AKR1C3: variants seen among roughly 807,000 people sequenced by gnomAD.
AKR1C3 encodes the protein aldo-keto reductase family 1 member C3.
A neutral mutation model predicts 43.6 loss-of-function variants in AKR1C3; 48 were observed. The observed-to-expected ratio is 1.10, with a 90% confidence interval of 0.87 to 1.40. The LOEUF is 1.40. Ranked by LOEUF, AKR1C3 falls within the 40% of genes most tolerant of loss-of-function variation. The pLI, the probability that AKR1C3 is intolerant of heterozygous loss-of-function variation, is 0.00. For missense variants in AKR1C3, 482 were observed against 391.2 expected, an observed-to-expected ratio of 1.23 and a Z score of -1.96; for synonymous variants, 162 against 139.6, an observed-to-expected ratio of 1.16 and a Z score of -1.13.
At chr10:5,057,782 G>A (rs1287106214) in intron 1 of AKR1C3, among the ~76,000 whole-genome samples, 1 of 152,142 alleles carries the variant, frequency 6.6e-6, no homozygotes, top group Non-Finnish European at 1.5e-5. Context: ...CGGCTGTCAT[G>A]CTATCATTTA....
chr10:5,089,225 G>A (rs782067118), intron 1 of AKR1C3, among the ~76,000 whole-genome samples: 4 of 151,968 alleles, frequency 2.6e-5, no homozygotes, highest in Admixed American at 1.3e-4. Flanking sequence ...ATGCCTTGTC[G>A]ATGTACATTT....
intron 3 of AKR1C3, chr10:5,098,225 C>A (rs1458640299): frequency 8.4e-5 from 81 of 966,656 alleles, no homozygotes; most frequent in Non-Finnish European, 1.0e-4. Context: ...AAAAATGTAT[C>A]ATTTGTCTAT....
At chr10:5,050,477 A>G (rs906013431) in intron 1 of AKR1C3, among the ~76,000 whole-genome samples, 14 of 152,252 alleles carry the variant, frequency 9.2e-5, no homozygotes, top group Admixed American at 4.6e-4. Flanking sequence ...ATGAGGGAAA[A>G]CAGAAGTTAT....
At chr10:5,070,267 C>A (rs1838591127) in intron 1 of AKR1C3, among the ~76,000 whole-genome samples, 1 of 152,168 alleles carries the variant, frequency 6.6e-6, no homozygotes, top group African/African-American at 2.4e-5. Context: ...CTGGCTGGCT[C>A]AGCAAAATAT....
intron 1 of AKR1C3, among the ~76,000 whole-genome samples, chr10:5,095,188 C>A (rs563570094): frequency 6.6e-6 from 1 of 152,140 alleles, no homozygotes; most frequent in East Asian, 1.9e-4. Flanking sequence ...GGTCTTCTGA[C>A]ACAAAAATGA....
At chr10:5,077,653 CCCCTTAGT>C in intron 1 of AKR1C3, 1 of 1,070,486 alleles carries the variant, frequency 9.3e-7, no homozygotes. Flanking sequence ...GCTGAACATT[CCCCTTAGT>C]AAAATGGCAG....
Position 5,096,418 on chromosome 10 carries a change from A to T in AKR1C3, c.93A>T (p.Arg31Ser). The T allele has an allele frequency of 1.2e-6, 2 of 1,613,060 alleles. No homozygotes were observed. Among genetic ancestry groups the T allele is most frequent in the Non-Finnish European group, 8.5e-7 (1 of 1,179,334 alleles). The change falls in exon 2 of 9, where the codon AGA becomes AGT. Residue 31 changes from arginine (R) to serine (S), a missense_variant. Arg to Ser is a moderately radical substitution (Grantham distance 110). Coordinates refer to ENST00000380554, the MANE Select transcript of AKR1C3 (RefSeq NM_003739.6). ...FGTYAPPEVP[R>S]SKALEVTKLA... ...TTTGGTTGCTCCTCCAGGTTCCGAG[A>T]AGTAAAGCTTTGGAGGTCACAAAAT...
chr10:5,051,400 T>G (rs1043264532), intron 1 of AKR1C3, among the ~76,000 whole-genome samples: 2 of 152,220 alleles, frequency 1.3e-5, no homozygotes, highest in African/African-American at 4.8e-5. Flanking sequence ...CCCAGCTGAC[T>G]TTGTGTTTTA....
chr10:5,087,376 C>CTT (rs1564364889), intron 1 of AKR1C3, among the ~76,000 whole-genome samples: 4 of 45,360 alleles, frequency 8.8e-5, no homozygotes, highest in African/African-American at 1.6e-4. Context: ...TTTATCATTT[C>CTT]TTTCTTTTTT....
chr10:5,097,488 CT>C lies in AKR1C3; in HGVS notation c.308del (p.Leu103ArgfsTer20). ...GGTCCGACCAGCCTTGGAAAACTCA[CT>C]GAAGAAAGCTCAATTGGACTATGTT... ...ELVRPALENS[L>X]KKAQLDYVDL... On this transcript the variant is annotated frameshift_variant, in exon 3 of 9. Coordinates refer to ENST00000380554, the MANE Select transcript of AKR1C3 (RefSeq NM_003739.6). LOFTEE classifies it high-confidence loss of function. The C allele has an allele frequency of 1.9e-6, 3 of 1,613,862 alleles. No homozygotes were observed. The highest frequency in any genetic ancestry group is 2.5e-6 in the Non-Finnish European group (3 of 1,179,824).
Position 5,106,961 on chromosome 10 carries a change from G to GCTCGCC in AKR1C3, c.930-500_930-499insCTCGCC, listed in dbSNP as rs1839518176. 2.7e-5 allele frequency among the ~76,000 whole-genome samples: 4 copies of GCTCGCC among 150,160 alleles called. No homozygotes were observed. The Admixed American group carries it at 2.7e-4, about 10-fold the overall frequency. On this transcript the variant is annotated intron_variant, in intron 8 of 8. Transcript: ENST00000380554. Reference sequence around the variant, plus strand: ...AAAAGAAAGGAAGAGTAGCGAGCATGAGTAATTCTTATCATCCATTAAAAA... The same window carrying GCTCGCC: ...AAAAGAAAGGAAGAGTAGCGAGCATGCTCGCCAGTAATTCTTATCATCCATTAAAAA...
At chr10:5,103,929 A>T (rs1474266393) in intron 7 of AKR1C3, among the ~76,000 whole-genome samples, 2 of 152,036 alleles carry the variant, frequency 1.3e-5, no homozygotes, top group Non-Finnish European at 2.9e-5. Context: ...GTTAATATAT[A>T]TGATAGATTG....
At chr10:5,078,576 C>T (rs1838765723) in intron 1 of AKR1C3, among the ~76,000 whole-genome samples, 1 of 152,170 alleles carries the variant, frequency 6.6e-6, no homozygotes, top group Non-Finnish European at 1.5e-5. Context: ...AAATGCAAGG[C>T]AGGTCATCAG....
chr10:5,050,267 T>G (rs1554778814), intron 1 of AKR1C3, among the ~76,000 whole-genome samples: 1 of 152,242 alleles, frequency 6.6e-6, no homozygotes, highest in Non-Finnish European at 1.5e-5. Flanking sequence ...AAAGGCTGCC[T>G]TAGTGGAGTG....
intron 1 of AKR1C3, among the ~76,000 whole-genome samples, chr10:5,088,849 G>C (rs1334390696): frequency 6.6e-6 from 1 of 151,824 alleles, no homozygotes; most frequent in Non-Finnish European, 1.5e-5. Context: ...TCATGGTCTT[G>C]TTAGCCAATT....
At chr10:5,069,873 T>TC (rs1838583645) in intron 1 of AKR1C3, among the ~76,000 whole-genome samples, 1 of 150,174 alleles carries the variant, frequency 6.7e-6, no homozygotes, top group Non-Finnish European at 1.5e-5. Flanking sequence ...AAACTCTGTC[T>TC]CAAAAAAAAA....
In AKR1C3 at chr10:5,099,467, TCTCTC is replaced by T. The variant is rs1839295867; in HGVS notation, c.570+21_570+25del. Reference sequence around the variant, plus strand: ...GCAACCAGGTGAGCTCCCTTGGCCTTCTCTCCTTTCGGTTCTTCATGCCCCCTCTT... The same window carrying T: ...GCAACCAGGTGAGCTCCCTTGGCCTTCTTTCGGTTCTTCATGCCCCCTCTT... On this transcript the variant is annotated intron_variant, in intron 5 of 8. Coordinates refer to ENST00000380554, the MANE Select transcript of AKR1C3 (RefSeq NM_003739.6). The T allele has an allele frequency of 6.2e-7, 1 of 1,614,080 alleles. No homozygotes were observed. The highest frequency in any genetic ancestry group is 8.5e-7 in the Non-Finnish European group (1 of 1,179,970).
chr10:5,055,295 A>G (rs891482886), intron 1 of AKR1C3, among the ~76,000 whole-genome samples: 3 of 152,224 alleles, frequency 2.0e-5, no homozygotes, highest in African/African-American at 7.2e-5. Context: ...CTAGACTATA[A>G]TTTGTTGGCA....
intron 1 of AKR1C3, among the ~76,000 whole-genome samples, chr10:5,055,447 T>C (rs1433873143): frequency 2.6e-5 from 4 of 152,208 alleles, no homozygotes; most frequent in African/African-American, 9.7e-5. Flanking sequence ...TAAACTTCCT[T>C]TGGCACCTAG....
Sources: allele counts gnomAD v4.1 joint callset (sites outside exome capture counted in the v4.1 genomes callset), GRCh38; gene constraint gnomAD v4.1.1; transcripts MANE v1.5; gene names NCBI Gene and HGNC (gene_info 2026-07-23, HGNC 2026-07-21).